Variants in ZNF729 observed in about 807,000 individuals in gnomAD.
ZNF729 encodes the protein zinc finger protein 729.
ZNF729 carries 15 observed loss-of-function variants against 12.2 expected under a neutral mutation model. The ratio of observed to expected loss-of-function variants is 1.23; its 90% confidence interval spans 0.82 to 1.89. The LOEUF (loss-of-function observed/expected upper bound fraction) is 1.89. Ranked by LOEUF, ZNF729 falls within the 40% of genes most tolerant of loss-of-function variation. ZNF729 has a pLI of 0.00. For synonymous variants in ZNF729, 492 were observed against 476.3 expected, an observed-to-expected ratio of 1.03 and a Z score of -0.43; for missense variants, 1,540 against 1,456.7, an observed-to-expected ratio of 1.06 and a Z score of -0.93.
At chr19:22,295,264 GGATAGTTT>G (rs1968213735) in intron 1 of ZNF729, among the ~76,000 whole-genome samples, 1 of 151,944 alleles carries the variant, frequency 6.6e-6, no homozygotes, top group Non-Finnish European at 1.5e-5. Flanking sequence ...CTGCAAACAG[GGATAGTTT>G]GACTTCCTTT....
At chr19:22,293,993 T>G (rs1025002112) in intron 1 of ZNF729, among the ~76,000 whole-genome samples, 1 of 152,246 alleles carries the variant, frequency 6.6e-6, no homozygotes, top group African/African-American at 2.4e-5. Flanking sequence ...CATTTGTCAA[T>G]TGTTGCTGTT....
Position 22,316,532 on chromosome 19 carries a change from A to G in ZNF729, c.3115A>G (p.Lys1039Glu), listed in dbSNP as rs1968544984. ...CAATTTCTCAGCCCTTATGAAACAT[A>G]AGATAATTCATACTGGGGAGAAACC... The part of the protein sequence containing the change: ...FNNFSALMKH[K>E]IIHTGEKPYK... The change falls in exon 4 of 4, where the codon AAG becomes GAG. Residue 1039 changes from lysine (K) to glutamate (E), a missense_variant. Coordinates refer to ENST00000601693, the MANE Select transcript of ZNF729 (RefSeq NM_001242680.2). The G allele has an allele frequency of 1.2e-6, 2 of 1,613,708 alleles. No individual in the cohort carries two copies. Among genetic ancestry groups the G allele is most frequent in the South Asian group, 1.1e-5 (1 of 91,056 alleles).
At chr19:22,303,596 A>C (rs191754603) in intron 1 of ZNF729, among the ~76,000 whole-genome samples, 162 bp from the exon 2 acceptor site, 5 of 151,466 alleles carry the variant, frequency 3.3e-5, no homozygotes, top group African/African-American at 1.2e-4. Context: ...ACTACATTAG[A>C]TAATATTTCT....
chr19:22,302,417 C>T (rs570202252), intron 1 of ZNF729, among the ~76,000 whole-genome samples: 1 of 63,944 alleles, frequency 1.6e-5, no homozygotes, highest in Non-Finnish European at 3.4e-5. Flanking sequence ...ACTTTATATT[C>T]TTCTGACTTC....
chr19:22,303,650 A>C, intron 1 of ZNF729, 108 bp from the exon 2 acceptor site: 1 of 1,071,056 alleles, frequency 9.3e-7, no homozygotes, highest in Non-Finnish European at 1.3e-6. Flanking sequence ...CATCCCTATA[A>C]GTTAGAATCT....
intron 1 of ZNF729, 46 bp from the exon 2 acceptor site, chr19:22,303,712 A>G (rs771250886): frequency 6.7e-7 from 1 of 1,487,574 alleles, no homozygotes; most frequent in South Asian, 1.2e-5. Flanking sequence ...ATTTCTGCCC[A>G]TGGCCACTTG....
Position 22,315,035 on chromosome 19 carries a change from G to A in ZNF729, c.1618G>A (p.Gly540Arg), listed in dbSNP as rs1968510069. The change falls in exon 4 of 4, where the codon GGA becomes AGA. Residue 540 changes from glycine (G) to arginine (R), a missense_variant. Gly to Arg is a moderately radical substitution (Grantham distance 125). Coordinates refer to ENST00000601693, the MANE Select transcript of ZNF729 (RefSeq NM_001242680.2). ...TLRNHQIIHT[G>R]EKPYKCEECG... ...TAGAAACCATCAGATAATTCATACT[G>A]GAGAGAAACCCTACAAATGTGAAGA... The A allele has an allele frequency of 1.9e-6, 3 of 1,611,416 alleles. No individual in the cohort carries two copies. The highest frequency in any genetic ancestry group is 2.5e-6 in the Non-Finnish European group (3 of 1,179,742).
rs542315410 is a variant in ZNF729, at chr19:22,313,974, G to C, written c.557G>C (p.Ser186Thr). Residue 186 changes from serine to threonine, a missense_variant, in exon 4 of 4, where the codon AGC (serine) becomes ACC (threonine). Coordinates refer to ENST00000601693, the MANE Select transcript of ZNF729 (RefSeq NM_001242680.2). The stretch of plus-strand genomic sequence containing the variant: ...AAAACTTTCAAATGTATAAAATGTA[G>C]CAAATCATTTTTCATGCTTTCATGC... ...KKKTFKCIKC[S>T]KSFFMLSCLI... The C allele has an allele frequency of 1.3e-6, 2 of 1,538,436 alleles. No homozygotes were observed. The highest frequency in any genetic ancestry group is 1.2e-5 in the South Asian group (1 of 83,416).
intron 1 of ZNF729, among the ~76,000 whole-genome samples, chr19:22,287,340 C>T (rs755596869): frequency 2.0e-5 from 3 of 151,706 alleles, no homozygotes; most frequent in South Asian, 4.1e-4. Flanking sequence ...GATCTCCTCT[C>T]GGTGCAACCT....
rs576851551 is a variant in ZNF729, at chr19:22,286,464, T to A, written c.-62T>A. The A allele has an allele frequency of 3.7e-6, 6 of 1,606,414 alleles. No individual in the cohort carries two copies. The highest frequency in any genetic ancestry group is 5.1e-6 in the Non-Finnish European group (6 of 1,176,360). Reference sequence around the variant, plus strand: ...CCGCAGTTCCCGGTCTCGCCTTCACTGCTGTGTGTCCTCAGCCTCTGTGGC... The same window carrying A: ...CCGCAGTTCCCGGTCTCGCCTTCACAGCTGTGTGTCCTCAGCCTCTGTGGC... On this transcript the variant is annotated 5_prime_UTR_variant, in exon 1 of 4. Transcript: ENST00000601693.
At chr19:22,286,581 G>A (rs781176863) in intron 1 of ZNF729, 26 bp downstream of exon 1, 1 of 1,613,930 alleles carries the variant, frequency 6.2e-7, no homozygotes, top group Admixed American at 1.7e-5. Flanking sequence ...CCGACATCCC[G>A]AGAAGGGGAA....
intron 1 of ZNF729, among the ~76,000 whole-genome samples, chr19:22,298,005 C>CAAAAAAAAAAAAAAAAA (rs34435303): frequency 1.5e-5 from 1 of 68,136 alleles, no homozygotes; most frequent in African/African-American, 5.6e-5. Context: ...AACTCCATCT[C>CAAAAAAAAAAAAAAAAA]AAAAAAAAAA....
At chr19:22,304,656 A>C (rs775887241) in intron 2 of ZNF729, 32 bp from the exon 3 acceptor site, 7 of 1,561,228 alleles carry the variant, frequency 4.5e-6, no homozygotes, top group Non-Finnish European at 6.1e-6. Context: ...TAATATGACC[A>C]ATATTTATGT....
Position 22,316,755 on chromosome 19 carries a change from T to C in ZNF729, c.3338T>C (p.Phe1113Ser). ...PYQCDECGKA[F>S]NNSSTLTKHK... ...CAATGTGACGAATGTGGCAAAGCTT[T>C]TAACAATTCCTCAACCCTTACGAAA... Residue 1113 changes from phenylalanine to serine, a missense_variant, in exon 4 of 4, where the codon TTT becomes TCT. Transcript: ENST00000601693. 2 of 1,612,932 alleles carry C rather than the reference T, an allele frequency of 1.2e-6. No homozygotes were observed. The highest frequency in any genetic ancestry group is 1.7e-6 in the Non-Finnish European group (2 of 1,179,772).
chr19:22,294,631 C>T (rs1260350170), intron 1 of ZNF729, among the ~76,000 whole-genome samples: 3 of 144,156 alleles, frequency 2.1e-5, no homozygotes, highest in East Asian at 4.0e-4. Flanking sequence ...TGTGTTATCT[C>T]GGACTTTTTT....
At chr19:22,301,047 A>G (rs1968298127) in intron 1 of ZNF729, among the ~76,000 whole-genome samples, 1 of 151,776 alleles carries the variant, frequency 6.6e-6, no homozygotes, top group Non-Finnish European at 1.5e-5. Flanking sequence ...TGTTTTTTGA[A>G]CTATGTATTC....
chr19:22,314,592 C>G lies in ZNF729; in HGVS notation c.1175C>G (p.Thr392Ser), dbSNP rs746239386. 1 of 1,608,936 alleles carries G rather than the reference C, an allele frequency of 6.2e-7. No homozygotes were observed. The highest frequency in any genetic ancestry group is 8.5e-7 in the Non-Finnish European group (1 of 1,179,314). The change falls in exon 4 of 4, where the codon ACT becomes AGT. Residue 392 changes from threonine (T) to serine (S), a missense_variant. Physicochemically the swap from Thr to Ser is moderately conservative, Grantham distance 58. Transcript: ENST00000601693. ...GKAFKWSSKL[T>S]VHKVVHTGEK... ...GCTTTTAAGTGGTCTTCAAAACTTA[C>G]TGTACATAAGGTAGTTCATACTGGA...
chr19:22,315,298 G>A lies in ZNF729; in HGVS notation c.1881G>A (p.Pro627=), dbSNP rs745929200. The change falls in exon 4 of 4, where the codon CCG becomes CCA. Residue 627 remains proline, a synonymous_variant. Coordinates refer to ENST00000601693, the MANE Select transcript of ZNF729 (RefSeq NM_001242680.2). ...AGATAATTCATACTGGGAAGAAACC[G>A]TACAAATGTGAAGAATGTGGCAAAG... ...KHKIIHTGKK[P]YKCEECGKAF... 2.2e-5 allele frequency: 36 copies of A among 1,608,476 alleles called. No homozygotes were observed. The highest frequency in any genetic ancestry group is 3.4e-5 in the Admixed American group (2 of 59,428).
intron 3 of ZNF729, among the ~76,000 whole-genome samples, chr19:22,306,765 TCAGATTTATG>T (rs1051486847): frequency 3.3e-5 from 5 of 151,450 alleles, no homozygotes; most frequent in African/African-American, 1.2e-4. Context: ...TATTGTGTAT[TCAGATTTATG>T]CAGATTTACA....
Sources: gnomAD v4.1 joint callset for allele counts (sites outside exome capture counted in the v4.1 genomes callset) on GRCh38, gnomAD v4.1.1 for gene constraint, MANE v1.5 for transcripts, NCBI Gene and HGNC (gene_info 2026-07-23, HGNC 2026-07-21) for gene names.